MROH9: variants seen among roughly 807,000 people sequenced by gnomAD.
MROH9 encodes maestro heat-like repeat-containing protein family member 9.
MROH9 carries 92 observed loss-of-function variants against 98.2 expected under a neutral mutation model. That is an observed-to-expected ratio of 0.94 (90% CI 0.79 to 1.11). MROH9 has a LOEUF of 1.11. MROH9 is among the 50% of genes most tolerant of loss of function. The pLI, the probability that MROH9 is intolerant of heterozygous loss-of-function variation, is 0.00. For synonymous variants in MROH9, 397 were observed against 368.9 expected (o/e 1.08, Z -0.87); for missense variants, 1,057 against 1,014.8 (o/e 1.04, Z -0.57).
At chr1:171,038,600 T>A (rs929308758) in intron 20 of MROH9, among the ~76,000 whole-genome samples, 1 of 152,210 alleles carries the variant, frequency 6.6e-6, no homozygotes, top group African/African-American at 2.4e-5. Flanking sequence ...AGCATGTGGC[T>A]TTTATCCTTG....
intron 15 of MROH9, among the ~76,000 whole-genome samples, chr1:171,005,277 C>T (rs1378800110): frequency 6.6e-6 from 1 of 152,026 alleles, no homozygotes; most frequent in African/African-American, 2.4e-5. Flanking sequence ...CACAATGTTA[C>T]CCAGGTTGAT....
intron 20 of MROH9, among the ~76,000 whole-genome samples, chr1:171,040,082 T>C (rs1653247837): frequency 6.6e-6 from 1 of 152,088 alleles, no homozygotes; most frequent in South Asian, 2.1e-4. Flanking sequence ...CTAGAGGACG[T>C]TAAAATAAGT....
intron 15 of MROH9, among the ~76,000 whole-genome samples, chr1:171,007,979 G>T (rs1652020443): frequency 6.6e-6 from 1 of 152,104 alleles, no homozygotes; most frequent in African/African-American, 2.4e-5. Flanking sequence ...CCATGTTTTT[G>T]CAACCTTCTA....
At chr1:170,946,219 G>A (rs1649326281) in intron 2 of MROH9, among the ~76,000 whole-genome samples, 1 of 151,902 alleles carries the variant, frequency 6.6e-6, no homozygotes, top group African/African-American at 2.4e-5. Context: ...TTTTCATGAT[G>A]AGACAGGCAG....
intron 10 of MROH9, among the ~76,000 whole-genome samples, chr1:170,987,107 T>C (rs150889995): frequency 0.017 from 2,568 of 152,290 alleles, 41 homozygotes; most frequent in Middle Eastern, 0.071. Flanking sequence ...CCCTCCCACC[T>C]TGGCCTCCCA....
intron 17 of MROH9, 67 bp downstream of exon 17, chr1:171,016,403 C>A: frequency 8.1e-7 from 1 of 1,234,988 alleles, no homozygotes; most frequent in Non-Finnish European, 1.1e-6. Context: ...CAAGTTGAGG[C>A]AGTGATGTTA....
At chr1:170,950,031 C>T (rs952411464) in intron 3 of MROH9, among the ~76,000 whole-genome samples, 6 of 152,162 alleles carry the variant, frequency 3.9e-5, no homozygotes, top group African/African-American at 1.4e-4. Flanking sequence ...ATTTAATTCT[C>T]ACAACAGCCC....
chr1:170,958,773 C>A (rs1450491745), intron 4 of MROH9, among the ~76,000 whole-genome samples: 1 of 152,118 alleles, frequency 6.6e-6, no homozygotes, highest in South Asian at 2.1e-4. Context: ...TTTGAAGATG[C>A]ATCTCAATGT....
At chr1:170,969,774 G>C (rs1430954837) in intron 7 of MROH9, among the ~76,000 whole-genome samples, 1 of 152,172 alleles carries the variant, frequency 6.6e-6, no homozygotes, top group Non-Finnish European at 1.5e-5. Context: ...TGAATACCGA[G>C]AAGCTACTTT....
At chr1:171,004,775 C>A (rs894930583) in intron 15 of MROH9, among the ~76,000 whole-genome samples, 1 of 151,924 alleles carries the variant, frequency 6.6e-6, no homozygotes, top group African/African-American at 2.4e-5. Context: ...CTGCCATGAT[C>A]CCTCCTTGTC....
chr1:170,956,947 G>T (rs1234221306), intron 3 of MROH9, among the ~76,000 whole-genome samples: 4 of 150,328 alleles, frequency 2.7e-5, no homozygotes, highest in African/African-American at 9.8e-5. Flanking sequence ...CAGAGGGACT[G>T]CTTTTTGTAT....
Position 170,959,236 on chromosome 1 carries a change from G to A in MROH9, c.153-226G>A, listed in dbSNP as rs548682760. On this transcript the variant is annotated intron_variant, in intron 4 of 21. Coordinates refer to ENST00000367759, the MANE Select transcript of MROH9 (RefSeq NM_001163629.2). ...TGAAAATACAAAAAATTAGCCAGGC[G>A]TGGTGGCGGGCGCCTGTAGTCCCAG... Among the ~76,000 whole-genome samples, 9 of 152,140 alleles carry A rather than the reference G, an allele frequency of 5.9e-5. No individual in the cohort carries two copies. The South Asian group carries it at 1.2e-3, about 21-fold the overall frequency.
intron 7 of MROH9, among the ~76,000 whole-genome samples, chr1:170,967,857 T>G (rs1189331691): frequency 6.6e-6 from 1 of 152,168 alleles, no homozygotes; most frequent in Non-Finnish European, 1.5e-5. Context: ...CTTTGTTCCT[T>G]TGGCACATCA....
intron 11 of MROH9, among the ~76,000 whole-genome samples, chr1:170,991,941 G>C (rs550146206): frequency 9.9e-5 from 15 of 152,220 alleles, no homozygotes; most frequent in African/African-American, 2.6e-4. Context: ...CCAGACTCTG[G>C]TATTTTCCAT....
chr1:170,937,348 A>G (rs1305144138), intron 1 of MROH9, among the ~76,000 whole-genome samples: 1 of 152,202 alleles, frequency 6.6e-6, no homozygotes, highest in East Asian at 1.9e-4. Flanking sequence ...TAAATACTAG[A>G]ATATGAAGTC....
chr1:170,988,621 C>T (rs771878025), intron 10 of MROH9, among the ~76,000 whole-genome samples: 6 of 152,158 alleles, frequency 3.9e-5, no homozygotes, highest in Non-Finnish European at 8.8e-5. Context: ...CCAGCTCCCA[C>T]AAGCAACTGG....
In MROH9 at chr1:171,024,030, C is replaced by CA. The variant is rs142107136; in HGVS notation, c.1909-362dup. Among the ~76,000 whole-genome samples the CA allele has an allele frequency of 8.5e-5, 13 of 152,230 alleles. No homozygotes were observed. In the East Asian group the frequency reaches 2.5e-3, roughly 29 times the overall value. On this transcript the variant is annotated intron_variant, in intron 17 of 21. Transcript: ENST00000367759. ...TTGTCTTTCTGTCCCTGACTGATTT[C>CA]AAATAGCATGATGTCCTCCAAGTTC...
At chr1:171,003,805 C>T (rs902583105) in intron 15 of MROH9, among the ~76,000 whole-genome samples, 5 of 151,994 alleles carry the variant, frequency 3.3e-5, no homozygotes, top group African/African-American at 1.2e-4. Context: ...CTAGAACTCC[C>T]AAGATTATAT....
At chr1:171,008,472 T>G (rs1236602167) in intron 15 of MROH9, among the ~76,000 whole-genome samples, 1 of 152,258 alleles carries the variant, frequency 6.6e-6, no homozygotes, top group African/African-American at 2.4e-5. Flanking sequence ...ATCAATTCAG[T>G]AATTTTAAAT....
Sources: gnomAD v4.1 joint callset for allele counts (sites outside exome capture counted in the v4.1 genomes callset) on GRCh38, gnomAD v4.1.1 for gene constraint, MANE v1.5 for transcripts, NCBI Gene and HGNC (gene_info 2026-07-23, HGNC 2026-07-21) for gene names.